Variants in MAGI2 observed in about 807,000 individuals in gnomAD.
MAGI2 encodes the protein membrane associated guanylate kinase, WW and PDZ domain containing 2, also known as membrane-associated guanylate kinase, WW and PDZ domain-containing protein 2.
In MAGI2, 35 loss-of-function variants were observed where a neutral mutation model predicts 133.3. The ratio of observed to expected loss-of-function variants is 0.26; its 90% CI spans 0.20 to 0.35. MAGI2 has a LOEUF of 0.35. MAGI2 is among the 10% of genes least tolerant of loss of function. The pLI, the probability that MAGI2 is intolerant of heterozygous loss-of-function variation, is 1.00. For missense variants in MAGI2, 1,636 were observed against 1,863.4 expected (o/e 0.88, Z 2.25); for synonymous variants, 729 against 710.6 (o/e 1.03, Z -0.41).
intron 6 of MAGI2, among the ~76,000 whole-genome samples, chr7:78,449,641 C>T (rs1788511854): frequency 6.6e-6 from 1 of 152,004 alleles, no homozygotes; most frequent in African/African-American, 2.4e-5. Context: ...TGTAGCCTTC[C>T]TGTTCTTCCT....
chr7:79,074,730 C>A (rs910637559), intron 1 of MAGI2, among the ~76,000 whole-genome samples: 15 of 152,148 alleles, frequency 9.9e-5, no homozygotes, highest in Admixed American at 8.5e-4. Context: ...CTGATCAATA[C>A]ATGTTGTCGG....
chr7:78,039,790 A>G (rs1810609736), intron 21 of MAGI2, among the ~76,000 whole-genome samples: 1 of 152,256 alleles, frequency 6.6e-6, no homozygotes, highest in Non-Finnish European at 1.5e-5. Context: ...GACAAAGGGT[A>G]GAGTGATTAT....
chr7:79,182,487 C>G (rs1826708098), intron 1 of MAGI2, among the ~76,000 whole-genome samples: 1 of 151,954 alleles, frequency 6.6e-6, no homozygotes, highest in Non-Finnish European at 1.5e-5. Flanking sequence ...CGGGGTACCT[C>G]CCACAACATG....
chr7:78,418,206 G>A (rs572170669), intron 6 of MAGI2, among the ~76,000 whole-genome samples: 12 of 152,184 alleles, frequency 7.9e-5, no homozygotes, highest in African/African-American at 2.6e-4. Flanking sequence ...CTGGATATTC[G>A]TGAAACAAAT....
At chr7:78,460,934 C>G (rs1182271245) in intron 6 of MAGI2, among the ~76,000 whole-genome samples, 1 of 135,364 alleles carries the variant, frequency 7.4e-6, no homozygotes, top group African/African-American at 2.8e-5. Flanking sequence ...CAATAAGGAT[C>G]TGGTAAAACA....
At chr7:78,982,267 G>A (rs1022768883) in intron 2 of MAGI2, among the ~76,000 whole-genome samples, 2 of 151,802 alleles carry the variant, frequency 1.3e-5, no homozygotes, top group African/African-American at 4.8e-5. Flanking sequence ...GTCATTAAAA[G>A]GATTTCTACT....
chr7:78,554,759 C>A (rs1799634827), intron 3 of MAGI2: 1 of 152,170 alleles, frequency 6.6e-6, no homozygotes, highest in South Asian at 2.1e-4. Context: ...CTAAGTTCTG[C>A]CAAGTTATTA....
intron 1 of MAGI2, among the ~76,000 whole-genome samples, chr7:79,118,418 C>A (rs925802809): frequency 6.6e-6 from 1 of 152,094 alleles, no homozygotes; most frequent in Non-Finnish European, 1.5e-5. Context: ...TTCCTACTTG[C>A]AGGAAGCTAG....
At chr7:78,867,450 C>G (rs550847910) in intron 2 of MAGI2, among the ~76,000 whole-genome samples, 2 of 150,728 alleles carry the variant, frequency 1.3e-5, no homozygotes, top group African/African-American at 4.9e-5. Flanking sequence ...ACAAAAAAAC[C>G]AAACACCACA....
intron 6 of MAGI2, among the ~76,000 whole-genome samples, chr7:78,463,224 G>C (rs1001780699): frequency 6.6e-6 from 1 of 152,198 alleles, no homozygotes. Context: ...GCATACATGA[G>C]GCTGTACCAC....
chr7:78,183,990 T>C (rs183887038), intron 13 of MAGI2, among the ~76,000 whole-genome samples: 93 of 152,382 alleles, frequency 6.1e-4, no homozygotes, highest in East Asian at 1.2e-3. Context: ...TAACGTAATA[T>C]ACCCCAACTA....
intron 9 of MAGI2, among the ~76,000 whole-genome samples, chr7:78,259,238 A>G (rs1426037617): frequency 6.6e-6 from 1 of 151,854 alleles, no homozygotes; most frequent in Non-Finnish European, 1.5e-5. Flanking sequence ...GTCTACTTTC[A>G]TTCTTGCTCC....
intron 3 of MAGI2, chr7:78,614,434 C>T (rs2150921220): frequency 6.6e-6 from 1 of 152,176 alleles, no homozygotes; most frequent in Non-Finnish European, 1.5e-5. Flanking sequence ...TTTTACACAT[C>T]TATTTTAAAT....
At chr7:79,452,744 A>C in intron 1 of MAGI2, 1 of 382,860 alleles carries the variant, frequency 2.6e-6, no homozygotes, top group Non-Finnish European at 4.6e-6. Flanking sequence ...TTGCCCCAGC[A>C]GCTCTGAGGA....
At chr7:78,060,854 G>A (rs1051970388) in intron 21 of MAGI2, among the ~76,000 whole-genome samples, 13 of 152,124 alleles carry the variant, frequency 8.5e-5, no homozygotes, top group Admixed American at 6.5e-4. Context: ...GCCAAATCAC[G>A]GATGGCTTGG....
intron 2 of MAGI2, among the ~76,000 whole-genome samples, chr7:78,923,179 C>G (rs1324064945): frequency 6.6e-6 from 1 of 152,126 alleles, no homozygotes; most frequent in Non-Finnish European, 1.5e-5. Context: ...TTTTGCTGTG[C>G]AGAAGCTCTT....
At chr7:78,707,715 T>C (rs534719638) in intron 2 of MAGI2, among the ~76,000 whole-genome samples, 3 of 152,238 alleles carry the variant, frequency 2.0e-5, no homozygotes, top group African/African-American at 7.2e-5. Context: ...TGAATTTCCA[T>C]CTGGTCCCTA....
chr7:78,049,038 G>A (rs1043874908), intron 21 of MAGI2, among the ~76,000 whole-genome samples: 1 of 151,196 alleles, frequency 6.6e-6, no homozygotes, highest in African/African-American at 2.4e-5. Context: ...AACCCGGGAG[G>A]CAGAGGTTGC....
chr7:78,920,378 A>G (rs1217351348), intron 2 of MAGI2, among the ~76,000 whole-genome samples: 1 of 152,188 alleles, frequency 6.6e-6, no homozygotes, highest in African/African-American at 2.4e-5. Flanking sequence ...TGAGTACTCA[A>G]TAAATCTTTG....
Sources: allele counts gnomAD v4.1 joint callset (sites outside exome capture counted in the v4.1 genomes callset), GRCh38; gene constraint gnomAD v4.1.1; transcripts MANE v1.5; gene names NCBI Gene and HGNC (gene_info 2026-07-23, HGNC 2026-07-21).